Variants in HIRA observed in about 807,000 individuals in gnomAD.
HIRA encodes the protein histone cell cycle regulator, also known as protein HIRA.
HIRA carries 13 observed loss-of-function variants against 126.6 expected under a neutral mutation model. The observed-to-expected ratio is 0.10, with a 90% CI of 0.07 to 0.16. HIRA has a LOEUF of 0.16. Ranked by LOEUF, HIRA falls within the 10% of genes least tolerant of loss-of-function variation. The probability of loss-of-function intolerance (pLI) is 1.00; values close to 1 mark genes in which losing one functional copy is unlikely to be tolerated. For synonymous variants in HIRA, 511 were observed against 520.0 expected, an observed-to-expected ratio of 0.98 and a Z score of 0.24; for missense variants, 834 against 1,314.4, an observed-to-expected ratio of 0.63 and a Z score of 5.65.
intron 24 of HIRA, among the ~76,000 whole-genome samples, chr22:19,347,794 C>T (rs1161673926): frequency 1.3e-5 from 2 of 152,146 alleles, no homozygotes; most frequent in Non-Finnish European, 2.9e-5. Context: ...TAAAAATTAG[C>T]TGGGTGTAGT....
chr22:19,423,924 C>A (rs751087857), intron 1 of HIRA, among the ~76,000 whole-genome samples: 3 of 152,202 alleles, frequency 2.0e-5, no homozygotes, highest in Non-Finnish European at 4.4e-5. Flanking sequence ...AATGTTTCCC[C>A]TCATCATTGG....
At chr22:19,428,330 C>T (rs1287681413) in intron 1 of HIRA, among the ~76,000 whole-genome samples, 1 of 152,106 alleles carries the variant, frequency 6.6e-6, no homozygotes, top group East Asian at 1.9e-4. Flanking sequence ...GAAGTTGTAT[C>T]AACTTACTCT....
intron 9 of HIRA, among the ~76,000 whole-genome samples, chr22:19,390,243 G>A (rs1321270827): frequency 6.6e-6 from 1 of 152,070 alleles, no homozygotes; most frequent in Non-Finnish European, 1.5e-5. Flanking sequence ...TATATCTGCT[G>A]AGAACCTGCT....
intron 1 of HIRA, among the ~76,000 whole-genome samples, chr22:19,421,968 G>A (rs1052415259): frequency 2.0e-5 from 3 of 151,938 alleles, no homozygotes; most frequent in South Asian, 2.1e-4. Context: ...CACCATGCCC[G>A]GCCTGTTCTA....
At chr22:19,360,910 C>T (rs1556014013) in intron 17 of HIRA, among the ~76,000 whole-genome samples, 1 of 152,190 alleles carries the variant, frequency 6.6e-6, no homozygotes, top group Non-Finnish European at 1.5e-5. Context: ...CTGCCCAGGG[C>T]TGTGTGTGGA....
At chr22:19,348,389 G>A (rs2088711956) in intron 24 of HIRA, among the ~76,000 whole-genome samples, 1 of 152,082 alleles carries the variant, frequency 6.6e-6, no homozygotes, top group Non-Finnish European at 1.5e-5. Flanking sequence ...CCTGATACTA[G>A]AATTATCAGA....
At position 19,360,634 on chromosome 22, in the gene HIRA, A is replaced by T. The variant is rs561370898; in HGVS notation, c.2085+603T>A. ...CGCACCTGAGCTGAGGTACAAGGGT[A>T]TGCAGAGAGGCAGCAGTGTGTGTGA... is the stretch of plus-strand genomic sequence containing the variant. On this transcript the variant is annotated intron_variant, in intron 17 of 24. Transcript: ENST00000263208. Among the ~76,000 whole-genome samples the T allele has an allele frequency of 2.0e-5, 3 of 152,320 alleles. No individual in the cohort carries two copies. In the East Asian group the frequency reaches 5.8e-4, roughly 29 times the overall value.
In HIRA at chr22:19,351,436, G is replaced by A. The variant is rs1556010857; in HGVS notation, c.2859C>T (p.Tyr953=). 6.2e-7 allele frequency: 1 copy of A among 1,612,642 alleles called. No individual in the cohort carries two copies. Among genetic ancestry groups the A allele is most frequent in the Non-Finnish European group, 8.5e-7 (1 of 1,179,154 alleles). The change falls in exon 24 of 25, where the codon TAC becomes TAT. Residue 953 remains tyrosine (Y), a synonymous_variant. Transcript: ENST00000263208. The surrounding 1 kb of genome is among the most constrained non-coding windows in gnomAD (Gnocchi z 4.8). ...AGTCCTTGCATATTTCTCGAAGTCG[G>A]TATTCAAACCCTAATTACAGAAAAA... ...ARYLVNEGFE[Y]RLREICKDLL... is the part of the protein sequence containing the mutation.
intron 17 of HIRA, 92 bp downstream of exon 17, chr22:19,361,145 C>T: frequency 9.9e-7 from 1 of 1,006,508 alleles, no homozygotes; most frequent in South Asian, 1.4e-5. Context: ...AACCAATCTC[C>T]AAGGAAGTGA....
intron 17 of HIRA, among the ~76,000 whole-genome samples, chr22:19,360,851 T>C (rs546313439): frequency 1.3e-5 from 2 of 152,294 alleles, no homozygotes; most frequent in South Asian, 2.1e-4. Context: ...AGCAGGATGG[T>C]TGGGAGATAG....
At chr22:19,415,699 G>A (rs1332547949) in intron 1 of HIRA, among the ~76,000 whole-genome samples, 1 of 152,112 alleles carries the variant, frequency 6.6e-6, no homozygotes, top group Non-Finnish European at 1.5e-5. Flanking sequence ...TGAGGCAGGA[G>A]AATTGCTTGA....
In HIRA at chr22:19,356,395, G is replaced by A. The variant is rs143723777; in HGVS notation, c.2397-107C>T. On this transcript the variant is annotated intron_variant, in intron 19 of 24. Coordinates refer to ENST00000263208, the MANE Select transcript of HIRA (RefSeq NM_003325.4). ...CCCTACTGCATGCGACCCTAACCCT[G>A]GCCTCTCCTAGTGAGAGGGGCTCTG... 266 of 914,030 alleles carry A rather than the reference G, an allele frequency of 2.9e-4. 1 individual carries two copies. The African/African-American group carries it at 3.5e-3, about 12-fold the overall frequency. The allele number at this position is 914,030 out of a possible 1,614,324, so 56.6% of individuals were successfully genotyped here.
intron 1 of HIRA, among the ~76,000 whole-genome samples, chr22:19,417,519 G>A (rs1040790435): frequency 1.3e-5 from 2 of 152,126 alleles, no homozygotes; most frequent in African/African-American, 4.8e-5. Flanking sequence ...CTACTCGGGA[G>A]GCTGAGGCAG....
At chr22:19,350,556 A>C (rs1556010518) in intron 24 of HIRA, among the ~76,000 whole-genome samples, 1 of 152,148 alleles carries the variant, frequency 6.6e-6, no homozygotes, top group Admixed American at 6.5e-5. Flanking sequence ...ATACATCTTG[A>C]ATCTGTCTCC....
At chr22:19,356,192 C>T (rs374384031) in intron 20 of HIRA, 38 bp downstream of exon 20, 2 of 1,585,484 alleles carry the variant, frequency 1.3e-6, no homozygotes, top group East Asian at 2.2e-5. Flanking sequence ...TGAACTTGGG[C>T]CCCCAAAAGA....
intron 18 of HIRA, among the ~76,000 whole-genome samples, chr22:19,357,701 C>A (rs1210714): frequency 0.027 from 4,116 of 152,156 alleles, 89 homozygotes; most frequent in Non-Finnish European, 0.042. Flanking sequence ...GGAGCTCAGA[C>A]GCAGGCAGGG....
chr22:19,423,385 A>G (rs1003958114), intron 1 of HIRA, among the ~76,000 whole-genome samples: 8 of 151,808 alleles, frequency 5.3e-5, no homozygotes. Flanking sequence ...ACTGGCCAGG[A>G]TGCATAACAG....
At chr22:19,373,065 A>G (rs1022829548) in intron 15 of HIRA, among the ~76,000 whole-genome samples, 2 of 152,176 alleles carry the variant, frequency 1.3e-5, no homozygotes, top group African/African-American at 4.8e-5. Context: ...TTGTTTGTGC[A>G]TTAGGTGTCA....
intron 24 of HIRA, among the ~76,000 whole-genome samples, chr22:19,342,091 A>C (rs782462513): frequency 2.0e-5 from 3 of 152,236 alleles, no homozygotes; most frequent in Non-Finnish European, 4.4e-5. Context: ...CAAGGAACTC[A>C]AACAAATCAG....
Sources: allele counts gnomAD v4.1 joint callset (sites outside exome capture counted in the v4.1 genomes callset), GRCh38; gene constraint gnomAD v4.1.1; non-coding constraint Gnocchi (gnomAD v3.1); transcripts MANE v1.5; gene names NCBI Gene and HGNC (gene_info 2026-07-23, HGNC 2026-07-21).